PLEKHA5: variants seen among roughly 807,000 people sequenced by gnomAD.
The protein encoded by PLEKHA5 is pleckstrin homology domain containing A5, also known as pleckstrin homology domain-containing family A member 5.
A neutral mutation model predicts 181.9 loss-of-function variants in PLEKHA5; 55 were observed. That is an observed-to-expected ratio of 0.30 (90% CI 0.24 to 0.38). The LOEUF (loss-of-function observed/expected upper bound fraction) is 0.38. Among genes scored for constraint, PLEKHA5 ranks in the 10% least tolerant of loss-of-function variants. PLEKHA5 has a pLI of 1.00. For missense variants in PLEKHA5, 1,432 were observed against 1,549.5 expected (o/e 0.92, Z 1.27); for synonymous variants, 535 against 529.4 (o/e 1.01, Z -0.15).
In PLEKHA5 at chr12:19,330,318, T is replaced by C. The variant is rs2092715925; in HGVS notation, c.2449-6197T>C. On this transcript the variant is annotated intron_variant, in intron 20 of 31. Transcript: ENST00000429027. ...CAATTGTGGTCATAAACTAGAAATT[T>C]AAAATATGGATAGCTTTATAATTGT... 2.0e-5 allele frequency among the ~76,000 whole-genome samples: 3 copies of C among 152,174 alleles called. No individual in the cohort carries two copies. In the South Asian group the frequency reaches 6.2e-4, roughly 31 times the overall value.
intron 3 of PLEKHA5, among the ~76,000 whole-genome samples, chr12:19,144,789 G>T (rs994016264): frequency 6.6e-6 from 1 of 152,184 alleles, no homozygotes; most frequent in African/African-American, 2.4e-5. Context: ...GTGTTTACCA[G>T]TACTAATTCA....
Position 19,287,546 on chromosome 12 carries a change from A to C in PLEKHA5, c.1853A>C (p.Gln618Pro). ...CAGTCTGTTAGTCCCCAGAGCCTCC[A>C]AGGGAAAACGGTGAGTAATATCTTT... Reference protein sequence around the residue: ...TLQSVSPQSLQGKTPEELTLL... With the variant: ...TLQSVSPQSLPGKTPEELTLL... The change falls in exon 13 of 32, where the codon CAA (glutamine) becomes CCA (proline). Residue 618 changes from glutamine (Q) to proline (P), a missense_variant. Gln to Pro is a moderately conservative substitution (Grantham distance 76). This residue lies in a region of PLEKHA5 where 1,143 missense variants were observed against 1,168.4 expected (regional missense o/e 0.98). Transcript: ENST00000429027. 1 of 1,587,048 alleles carries C rather than the reference A, an allele frequency of 6.3e-7. No homozygotes were observed. Among genetic ancestry groups the C allele is most frequent in the Non-Finnish European group, 8.6e-7 (1 of 1,156,538 alleles).
rs146606952 is a variant in PLEKHA5, at chr12:19,349,089, T to TTTG, written c.3019+600_3019+602dup. ...TTTTTTTCTGTTTCTGGTGGTTGTT[T>TTTG]TTGTTGTTGTTGTTGTTGTTGTTGT... On this transcript the variant is annotated intron_variant, in intron 25 of 31. Transcript: ENST00000429027. 7.4e-3 allele frequency among the ~76,000 whole-genome samples: 1,075 copies of TTTG among 144,908 alleles called. 7 individuals carry two copies. The highest frequency in any genetic ancestry group is 0.021 in the Middle Eastern group (6 of 282).
At chr12:19,201,081 A>G (rs2054070293) in intron 3 of PLEKHA5, 1 of 152,096 alleles carries the variant, frequency 6.6e-6, no homozygotes, top group South Asian at 2.1e-4. Context: ...ACTGGGAGAA[A>G]GTACAGGCAA....
intron 3 of PLEKHA5, among the ~76,000 whole-genome samples, chr12:19,143,711 T>TTTTAAAG (rs2038103036): frequency 6.6e-6 from 1 of 152,142 alleles, no homozygotes; most frequent in Non-Finnish European, 1.5e-5. Flanking sequence ...GTATATATAT[T>TTTTAAAG]TTTAAAGATT....
intron 3 of PLEKHA5, among the ~76,000 whole-genome samples, chr12:19,243,994 C>T (rs1382686567): frequency 6.6e-6 from 1 of 152,094 alleles, no homozygotes; most frequent in African/African-American, 2.4e-5. Context: ...TTCAACAGGA[C>T]ATTTTTCTCC....
chr12:19,267,373 G>A (rs2070812768), intron 8 of PLEKHA5, among the ~76,000 whole-genome samples: 1 of 152,130 alleles, frequency 6.6e-6, no homozygotes, highest in South Asian at 2.1e-4. Context: ...TGTTACATGA[G>A]CAGGCCGGGC....
chr12:19,322,226 A>AT, intron 18 of PLEKHA5, 84 bp from the exon 19 acceptor site: 1 of 779,136 alleles, frequency 1.3e-6, no homozygotes. Flanking sequence ...TGAAATATAG[A>AT]TTTTTGGTCA....
chr12:19,197,595 G>T (rs2053136494), intron 3 of PLEKHA5, among the ~76,000 whole-genome samples: 3 of 151,804 alleles, frequency 2.0e-5, no homozygotes, highest in Admixed American at 1.3e-4. Flanking sequence ...TGAAGACAAA[G>T]ATCTGTTTTT....
rs372045044 is a variant in PLEKHA5, at chr12:19,364,867, C to G, written c.3609-1097C>G. Among the ~76,000 whole-genome samples, 12 of 152,012 alleles carry G rather than the reference C, an allele frequency of 7.9e-5. No homozygotes were observed. In the East Asian group the frequency reaches 2.2e-3, roughly 27 times the overall value. Reference sequence around the variant, plus strand: ...TTTAGTAGAAACAGAGTTTCACCATCTTGGCTAGGCTGGTCTTGAACTCCT... The same window carrying G: ...TTTAGTAGAAACAGAGTTTCACCATGTTGGCTAGGCTGGTCTTGAACTCCT... On this transcript the variant is annotated intron_variant, in intron 29 of 31. Coordinates refer to ENST00000429027, the MANE Select transcript of PLEKHA5 (RefSeq NM_001256470.2).
intron 3 of PLEKHA5, among the ~76,000 whole-genome samples, chr12:19,241,452 T>C (rs1302194996): frequency 6.6e-6 from 1 of 152,094 alleles, no homozygotes; most frequent in African/African-American, 2.4e-5. Flanking sequence ...AATTTTTCAG[T>C]TGAAAAATAA....
intron 21 of PLEKHA5, among the ~76,000 whole-genome samples, chr12:19,342,837 T>C (rs1308023779): frequency 6.6e-6 from 1 of 152,146 alleles, no homozygotes; most frequent in African/African-American, 2.4e-5. Flanking sequence ...CATCTTGATA[T>C]ATTTTGTTAG....
At chr12:19,288,664 C>A (rs1014531332) in intron 13 of PLEKHA5, among the ~76,000 whole-genome samples, 5 of 152,148 alleles carry the variant, frequency 3.3e-5, no homozygotes, top group African/African-American at 1.2e-4. Context: ...TTGCTTTAAG[C>A]TTCCTGCAGT....
chr12:19,227,817 G>C (rs1447087079), intron 3 of PLEKHA5, among the ~76,000 whole-genome samples: 1 of 152,176 alleles, frequency 6.6e-6, no homozygotes, highest in East Asian at 1.9e-4. Context: ...AGGTTAACCA[G>C]GTTTAGAGTT....
intron 3 of PLEKHA5, among the ~76,000 whole-genome samples, chr12:19,233,221 T>C (rs971295717): frequency 5.9e-5 from 9 of 152,172 alleles, no homozygotes; most frequent in African/African-American, 9.6e-5. Context: ...ATTTGGAAAT[T>C]TGGGAAAAAG....
rs112971350 is a variant in PLEKHA5 at position 19,307,400 on chromosome 12, A to C, written c.2038-7414A>C. The C allele has an allele frequency of 1.7e-3, 435 of 258,532 alleles. 5 individuals are homozygous for C. Among genetic ancestry groups the C allele is most frequent in the African/African-American group, 9.6e-3 (414 of 43,288 alleles). The allele number at this position is 258,532 out of a possible 1,614,324, so 16.0% of individuals were successfully genotyped here. A position where few individuals can be genotyped will look rare whatever the true frequency, so the allele number is the denominator to read the frequency against. Reference sequence around the variant, plus strand: ...GGCAGGAGAATCGCCTGAATCCTGGAGGCGGAGGTTGCAGTGAGCCGAGAT... The same window carrying C: ...GGCAGGAGAATCGCCTGAATCCTGGCGGCGGAGGTTGCAGTGAGCCGAGAT... On this transcript the variant is annotated intron_variant, in intron 15 of 31. Coordinates refer to ENST00000429027, the MANE Select transcript of PLEKHA5 (RefSeq NM_001256470.2).
intron 3 of PLEKHA5, among the ~76,000 whole-genome samples, chr12:19,195,721 A>T (rs950203208): frequency 6.6e-6 from 1 of 150,458 alleles, no homozygotes. Context: ...TATTTAGGCT[A>T]TTAACATATA....
chr12:19,157,224 A>G (rs2041979848), intron 3 of PLEKHA5, among the ~76,000 whole-genome samples: 1 of 152,174 alleles, frequency 6.6e-6, no homozygotes, highest in African/African-American at 2.4e-5. Context: ...AAAGTTTTAA[A>G]AATTCAAATA....
chr12:19,156,174 G>T (rs1396115526), intron 3 of PLEKHA5, among the ~76,000 whole-genome samples: 1 of 149,984 alleles, frequency 6.7e-6, no homozygotes, highest in African/African-American at 2.4e-5. Context: ...TGGTCAAAAG[G>T]TTAGGAGCAC....
Sources: allele counts gnomAD v4.1 joint callset (sites outside exome capture counted in the v4.1 genomes callset), GRCh38; gene constraint gnomAD v4.1.1; regional missense constraint gnomAD v4.1.1; transcripts MANE v1.5; gene names NCBI Gene and HGNC (gene_info 2026-07-23, HGNC 2026-07-21).